The following PDZRN3 variants were observed in gnomAD, a reference collection of about 807,000 sequenced individuals.
PDZRN3 encodes the protein E3 ubiquitin-protein ligase PDZRN3.
PDZRN3 carries 38 observed loss-of-function variants against 85.7 expected under a neutral mutation model. That is an observed-to-expected ratio of 0.44 (90% confidence interval 0.34 to 0.58). PDZRN3 has a LOEUF of 0.58. PDZRN3 is among the 20% of genes least tolerant of loss of function. PDZRN3 has a pLI of 0.01. For synonymous variants in PDZRN3, 759 were observed against 638.0 expected (o/e 1.19, Z -2.86); for missense variants, 1,629 against 1,506.4 (o/e 1.08, Z -1.35).
intron 3 of PDZRN3, among the ~76,000 whole-genome samples, chr3:73,551,102 T>C (rs1202726022): frequency 6.6e-6 from 1 of 152,206 alleles, no homozygotes; most frequent in Non-Finnish European, 1.5e-5. Context: ...GTAAACCAGC[T>C]AAACATCCCT....
At chr3:73,535,615 G>A (rs1047305872) in intron 3 of PDZRN3, among the ~76,000 whole-genome samples, 11 of 152,230 alleles carry the variant, frequency 7.2e-5, no homozygotes, top group African/African-American at 2.4e-4. Flanking sequence ...AGAATATCTT[G>A]TGAAAGTTTC....
At chr3:73,479,806 A>G (rs1052969207) in intron 3 of PDZRN3, among the ~76,000 whole-genome samples, 8 of 152,196 alleles carry the variant, frequency 5.3e-5, no homozygotes, top group Non-Finnish European at 1.2e-4. Context: ...CACGTTCACT[A>G]TAAAAGAAAA....
intron 3 of PDZRN3, among the ~76,000 whole-genome samples, chr3:73,511,772 T>A (rs1236908802): frequency 6.6e-6 from 1 of 152,202 alleles, no homozygotes. Flanking sequence ...AACAGACACC[T>A]CATTGTGCTT....
At chr3:73,392,227 G>A (rs1263979893) in intron 5 of PDZRN3, among the ~76,000 whole-genome samples, 2 of 152,258 alleles carry the variant, frequency 1.3e-5, no homozygotes, top group Non-Finnish European at 2.9e-5. Flanking sequence ...CCATGTTCAA[G>A]GAAGAGAGAA....
chr3:73,580,209 G>A (rs991261045), intron 3 of PDZRN3, among the ~76,000 whole-genome samples: 7 of 152,168 alleles, frequency 4.6e-5, no homozygotes, highest in African/African-American at 1.2e-4. Context: ...AGAGGTTCAC[G>A]AATGGTCCCA....
chr3:73,546,362 T>C (rs1486051943), intron 3 of PDZRN3, among the ~76,000 whole-genome samples: 1 of 152,212 alleles, frequency 6.6e-6, no homozygotes, highest in African/African-American at 2.4e-5. Flanking sequence ...TTGCATCAAA[T>C]GATCGTCACT....
chr3:73,543,247 A>G (rs1379094659), intron 3 of PDZRN3, among the ~76,000 whole-genome samples: 3 of 152,234 alleles, frequency 2.0e-5, no homozygotes, highest in Non-Finnish European at 2.9e-5. Flanking sequence ...CTTGGAGGCC[A>G]GCACTGGGGT....
intron 3 of PDZRN3, among the ~76,000 whole-genome samples, chr3:73,583,754 A>G (rs1348360757): frequency 6.6e-6 from 1 of 152,206 alleles, no homozygotes; most frequent in East Asian, 1.9e-4. Flanking sequence ...AACTTATGAT[A>G]GCAAATAGCT....
chr3:73,571,775 G>A (rs779727684), intron 3 of PDZRN3, among the ~76,000 whole-genome samples: 20 of 152,130 alleles, frequency 1.3e-4, no homozygotes, highest in Non-Finnish European at 2.6e-4. Context: ...CCTCTAAGAC[G>A]GCTGCTCAGA....
chr3:73,440,878 G>T (rs991267963), intron 3 of PDZRN3, among the ~76,000 whole-genome samples: 5 of 152,108 alleles, frequency 3.3e-5, no homozygotes, highest in African/African-American at 9.7e-5. Flanking sequence ...GCAGTCCTCC[G>T]ACCAGGGGGA....
intron 3 of PDZRN3, among the ~76,000 whole-genome samples, chr3:73,471,022 C>T (rs1487917859): frequency 1.3e-5 from 2 of 152,150 alleles, no homozygotes; most frequent in Non-Finnish European, 2.9e-5. Context: ...AAAAGATATG[C>T]TAGAGTCCTA....
Position 73,383,443 on chromosome 3 carries a change from T to G in PDZRN3, c.3123A>C (p.Gln1041His). 1.2e-6 allele frequency: 2 copies of G among 1,614,218 alleles called. No homozygotes were observed. Among genetic ancestry groups the G allele is most frequent in the Non-Finnish European group, 1.7e-6 (2 of 1,180,030 alleles). The change falls in exon 10 of 10, where the codon CAA (glutamine) becomes CAC (histidine). Residue 1041 changes from glutamine to histidine, a missense_variant. Transcript: ENST00000263666. ...KKIFDNWMTI[Q>H]ELLTHGTKSP... Reference sequence around the variant, plus strand: ...ATTTTGTGCCGTGGGTTAAGAGTTCTTGGATCGTCATCCAGTTATCGAAGA... The same window carrying G: ...ATTTTGTGCCGTGGGTTAAGAGTTCGTGGATCGTCATCCAGTTATCGAAGA...
intron 3 of PDZRN3, among the ~76,000 whole-genome samples, chr3:73,416,871 TTTTGG>T (rs1460306855): frequency 4.1e-5 from 3 of 73,238 alleles, no homozygotes; most frequent in African/African-American, 5.2e-5. Context: ...GTTTGTTTTT[TTTTGG>T]TTTTTTTTTT....
At chr3:73,612,347 A>G (rs767548155) in intron 1 of PDZRN3, among the ~76,000 whole-genome samples, 7 of 152,168 alleles carry the variant, frequency 4.6e-5, no homozygotes, top group Non-Finnish European at 1.0e-4. Flanking sequence ...GTGCTGGTAA[A>G]TGTTTGCACC....
chr3:73,384,297 C>T lies in PDZRN3; in HGVS notation c.2269G>A (p.Ala757Thr). The change falls in exon 10 of 10, where the codon GCC (alanine) becomes ACC (threonine). Residue 757 changes from alanine to threonine, a missense_variant. Physicochemically the swap from Ala to Thr is moderately conservative, Grantham distance 58. Transcript: ENST00000263666. Reference protein sequence around the residue: ...PEKSDKDSSSAYNTGESCRST... With the variant: ...PEKSDKDSSSTYNTGESCRST... ...CGGCAGCTCTCGCCTGTGTTGTAGG[C>T]GCTCGAGCTGTCCTTGTCGGATTTC... 6.2e-7 allele frequency: 1 copy of T among 1,612,720 alleles called. No homozygotes were observed. Among genetic ancestry groups the T allele is most frequent in the Non-Finnish European group, 8.5e-7 (1 of 1,179,994 alleles).
chr3:73,514,908 C>T (rs146806725), intron 3 of PDZRN3, among the ~76,000 whole-genome samples: 16 of 152,296 alleles, frequency 1.1e-4, no homozygotes, highest in Non-Finnish European at 1.6e-4. Flanking sequence ...TATCTATAAA[C>T]CCATTTTACA....
chr3:73,407,381 CTGAATAAG>C (rs958839454), intron 3 of PDZRN3, among the ~76,000 whole-genome samples: 2 of 152,134 alleles, frequency 1.3e-5, no homozygotes, highest in African/African-American at 4.8e-5. Context: ...AATAATATCA[CTGAATAAG>C]TGAATTAACC....
intron 5 of PDZRN3, 124 bp from the exon 6 acceptor site, chr3:73,391,240 G>T: frequency 1.5e-6 from 1 of 648,094 alleles, no homozygotes; most frequent in South Asian, 2.0e-5. Flanking sequence ...AACTGTGTAG[G>T]GCCGGTTAAC....
At chr3:73,473,622 T>C (rs1055397835) in intron 3 of PDZRN3, among the ~76,000 whole-genome samples, 1 of 152,222 alleles carries the variant, frequency 6.6e-6, no homozygotes, top group African/African-American at 2.4e-5. Context: ...TCATTGAAAT[T>C]CAATCTTCAC....
Sources: allele counts gnomAD v4.1 joint callset (sites outside exome capture counted in the v4.1 genomes callset), GRCh38; gene constraint gnomAD v4.1.1; transcripts MANE v1.5; gene names NCBI Gene and HGNC (gene_info 2026-07-23, HGNC 2026-07-21).